The following NAB1 variants were observed in gnomAD, a reference collection of about 807,000 sequenced individuals.
NAB1 encodes the protein NGFI-A binding protein 1.
In NAB1, 25 loss-of-function variants were observed where a neutral mutation model predicts 49.9. That is an observed-to-expected ratio of 0.50 (90% confidence interval 0.37 to 0.70). The LOEUF is 0.70. Among genes scored for constraint, NAB1 ranks in the 30% least tolerant of loss-of-function variants. NAB1 has a pLI of 0.00. For synonymous variants in NAB1, 198 were observed against 215.6 expected, an observed-to-expected ratio of 0.92 and a Z score of 0.71; for missense variants, 489 against 575.9, an observed-to-expected ratio of 0.85 and a Z score of 1.54.
intron 4 of NAB1, among the ~76,000 whole-genome samples, chr2:190,664,586 C>CTTTTTTTTTTTTTTT (rs71027237): frequency 1.3e-4 from 8 of 61,154 alleles, no homozygotes; most frequent in African/African-American, 3.3e-4. Flanking sequence ...TTCTTCTTTC[C>CTTTTTTTTTTTTTTT]TTTTTTTTTT....
rs993713568 is a variant in NAB1, at chr2:190,657,067, A to G, written c.-20+914A>G. Among the ~76,000 whole-genome samples, 1 of 152,188 alleles carries G rather than the reference A, an allele frequency of 6.6e-6. No homozygotes were observed. The highest frequency in any genetic ancestry group is 2.4e-5 in the African/African-American group (1 of 41,436). On this transcript the variant is annotated intron_variant, in intron 3 of 9. Transcript: ENST00000337386. This position sits in a 1 kb window ranked among gnomAD's most constrained non-coding sequence, Gnocchi z 4.4. ...CTTTTTTTTTCTGTATTGCGTTGAA[A>G]GCCTATGGAGGAATTGCACGAGGTG... is the stretch of plus-strand genomic sequence containing the variant.
At position 190,659,921 on chromosome 2, in the gene NAB1, A is replaced by T; in HGVS notation, c.745A>T (p.Ile249Phe). 3 of 1,614,222 alleles carry T rather than the reference A, an allele frequency of 1.9e-6. No homozygotes were observed. Among genetic ancestry groups the T allele is most frequent in the Non-Finnish European group, 2.5e-6 (3 of 1,180,036 alleles). Reference sequence around the variant, plus strand: ...TGATGATCCACACAAAGAGGAGGAAATTCGGAAATACAGTGCAATATATGG... The same window carrying T: ...TGATGATCCACACAAAGAGGAGGAATTTCGGAAATACAGTGCAATATATGG... ...NDDDPHKEEE[I>F]RKYSAIYGRF... Residue 249 changes from isoleucine (I) to phenylalanine (F), a missense_variant, in exon 4 of 10, where the codon ATT becomes TTT. Physicochemically the swap from Ile to Phe is conservative, Grantham distance 21. Transcript: ENST00000337386. This position sits in a 1 kb window ranked among gnomAD's most constrained non-coding sequence, Gnocchi z 6.2.
At position 190,670,233 on chromosome 2, in the gene NAB1, AT is replaced by A; in HGVS notation, c.820-92del. 1 of 1,143,614 alleles carries A rather than the reference AT, an allele frequency of 8.7e-7. No homozygotes were observed. The highest frequency in any genetic ancestry group is 1.6e-5 in the African/African-American group (1 of 63,932). 70.8% of individuals were successfully genotyped at this position (1,143,614 alleles called of 1,614,324 possible). On this transcript the variant is annotated intron_variant, in intron 4 of 9. Transcript: ENST00000337386. The surrounding 1 kb of genome is among the most constrained non-coding windows in gnomAD (Gnocchi z 5.3). ...TTATGAATAATGATTCCATTATATAATGGTGTAACATTCTTATATTTTAAGT... is the reference window on the plus strand; with the variant it reads ...TTATGAATAATGATTCCATTATATAAGGTGTAACATTCTTATATTTTAAGT...
chr2:190,687,350 C>A, intron 9 of NAB1, 33 bp downstream of exon 9: 3 of 937,704 alleles, frequency 3.2e-6, no homozygotes, highest in Non-Finnish European at 4.7e-6. Flanking sequence ...GAGGGTAACA[C>A]TTGAATAAAA....
rs1381082868 is a variant in NAB1, at chr2:190,663,826, T to C, written c.819+3831T>C. The stretch of plus-strand genomic sequence containing the variant: ...AAAGTTTTGTTATGAGGTTATTTTA[T>C]TATTTTTCAATTTTAATTATTTTTA... On this transcript the variant is annotated intron_variant, in intron 4 of 9. Coordinates refer to ENST00000337386, the MANE Select transcript of NAB1 (RefSeq NM_005966.4). The surrounding 1 kb of genome is among the most constrained non-coding windows in gnomAD (Gnocchi z 4.2). 2.0e-5 allele frequency among the ~76,000 whole-genome samples: 3 copies of C among 148,078 alleles called. No individual in the cohort carries two copies. Among genetic ancestry groups the C allele is most frequent in the Admixed American group, 6.6e-5 (1 of 15,116 alleles).
rs1695932360 is a variant in NAB1 at position 190,691,489 on chromosome 2, A to C, written c.*1156A>C. 6.6e-6 allele frequency: 1 copy of C among 152,116 alleles called. No individual in the cohort carries two copies. The highest frequency in any genetic ancestry group is 2.4e-5 in the African/African-American group (1 of 41,448). The allele number at this position is 152,116 out of a possible 1,614,324, so 9.4% of individuals were successfully genotyped here. A position where few individuals can be genotyped will look rare whatever the true frequency, so the allele number is the denominator to read the frequency against. ...TGAATGCAGTTTTTTCTTAAAATTT[A>C]TTTTAACTTGACAGTATGTTTTTAG... On this transcript the variant is annotated 3_prime_UTR_variant, in exon 10 of 10. Transcript: ENST00000337386. This position sits in a 1 kb window ranked among gnomAD's most constrained non-coding sequence, Gnocchi z 4.1.
Position 190,677,466 on chromosome 2 carries a change from C to G in NAB1, c.1005+4314C>G, listed in dbSNP as rs539099124. The G allele has an allele frequency of 6.6e-6, 1 of 152,186 alleles. No homozygotes were observed. The highest frequency in any genetic ancestry group is 2.1e-4 in the South Asian group (1 of 4,830). The allele number at this position is 152,186 out of a possible 1,614,324, so 9.4% of individuals were successfully genotyped here. ...TGAGGTTGGAATCCTTCTGCTTAGA[C>G]GGAATGAATAACATGTCCACTGGAA... On this transcript the variant is annotated intron_variant, in intron 6 of 9. Coordinates refer to ENST00000337386, the MANE Select transcript of NAB1 (RefSeq NM_005966.4). The surrounding 1 kb of genome is among the most constrained non-coding windows in gnomAD (Gnocchi z 5.6).
rs984315983 is a variant in NAB1, at chr2:190,667,802, C to T, written c.820-2524C>T. Among the ~76,000 whole-genome samples the T allele has an allele frequency of 4.0e-5, 6 of 151,656 alleles. No homozygotes were observed. In the East Asian group the frequency reaches 7.7e-4, roughly 19 times the overall value. On this transcript the variant is annotated intron_variant, in intron 4 of 9. Coordinates refer to ENST00000337386, the MANE Select transcript of NAB1 (RefSeq NM_005966.4). The surrounding 1 kb of genome is among the most constrained non-coding windows in gnomAD (Gnocchi z 4.4). ...AAATACTTAGGTGGGAAAAGTAAAA[C>T]GATTAGACTAAATTATGGAACATTT...
In NAB1 at chr2:190,685,608, G is replaced by C; in HGVS notation, c.1228G>C (p.Gly410Arg). 1 of 1,611,104 alleles carries C rather than the reference G, an allele frequency of 6.2e-7. No homozygotes were observed. The highest frequency in any genetic ancestry group is 8.5e-7 in the Non-Finnish European group (1 of 1,178,978). ...GAGCTCAGAAGAGCACAGTCCTAAC[G>C]GCTTGACTTCCGATAACTCAGATGG... is the stretch of plus-strand genomic sequence containing the variant. ...RQSSEEHSPN[G>R]LTSDNSDGQG... Residue 410 changes from glycine to arginine, a missense_variant, in exon 8 of 10, where the codon GGC (glycine) becomes CGC (arginine). Coordinates refer to ENST00000337386, the MANE Select transcript of NAB1 (RefSeq NM_005966.4). This position sits in a 1 kb window ranked among gnomAD's most constrained non-coding sequence, Gnocchi z 4.5.
Position 190,682,434 on chromosome 2 carries a change from G to T in NAB1, c.1006-1304G>T, listed in dbSNP as rs991139678. Reference sequence around the variant, plus strand: ...TCCAAAGCTCCATTTCCTGTCATAGGTTATGATAAAGGTGAAATCGCAAGC... The same window carrying T: ...TCCAAAGCTCCATTTCCTGTCATAGTTTATGATAAAGGTGAAATCGCAAGC... On this transcript the variant is annotated intron_variant, in intron 6 of 9. Coordinates refer to ENST00000337386, the MANE Select transcript of NAB1 (RefSeq NM_005966.4). The surrounding 1 kb of genome is among the most constrained non-coding windows in gnomAD (Gnocchi z 4.1). Among the ~76,000 whole-genome samples the T allele has an allele frequency of 2.6e-5, 4 of 152,268 alleles. No homozygotes were observed. The highest frequency in any genetic ancestry group is 3.4e-3 in the Middle Eastern group (1 of 294).
In NAB1 at chr2:190,685,421, A is replaced by C. The variant is rs567196782; in HGVS notation, c.1096-55A>C. Reference sequence around the variant, plus strand: ...AGTCTGAAATTGGCATCTTTAAACCATTAAAAAATCTAGAATGTTTCAGTT... The same window carrying C: ...AGTCTGAAATTGGCATCTTTAAACCCTTAAAAAATCTAGAATGTTTCAGTT... On this transcript the variant is annotated intron_variant, in intron 7 of 9. Coordinates refer to ENST00000337386, the MANE Select transcript of NAB1 (RefSeq NM_005966.4). This position sits in a 1 kb window ranked among gnomAD's most constrained non-coding sequence, Gnocchi z 4.5. 1.3e-6 allele frequency: 2 copies of C among 1,492,080 alleles called. No individual in the cohort carries two copies. Among genetic ancestry groups the C allele is most frequent in the Admixed American group, 2.3e-5 (1 of 44,340 alleles). The allele number at this position is 1,492,080 out of a possible 1,614,324, so 92.4% of individuals were successfully genotyped here.
At chr2:190,688,610 T>G (rs1695740979) in intron 9 of NAB1, among the ~76,000 whole-genome samples, 1 of 152,230 alleles carries the variant, frequency 6.6e-6, no homozygotes, top group Non-Finnish European at 1.5e-5. Context: ...AGACTCTATG[T>G]AACAGGAATA....
chr2:190,664,771 G>A (rs948737198), intron 4 of NAB1, among the ~76,000 whole-genome samples: 22 of 150,884 alleles, frequency 1.5e-4, no homozygotes, highest in African/African-American at 4.1e-4. Flanking sequence ...TTTATTTTCA[G>A]CCTTTCTGAA....
chr2:190,659,840 C>G lies in NAB1; in HGVS notation c.664C>G (p.Leu222Val). 6.2e-7 allele frequency: 1 copy of G among 1,614,218 alleles called. No individual in the cohort carries two copies. The highest frequency in any genetic ancestry group is 8.5e-7 in the Non-Finnish European group (1 of 1,180,034). ...KSDLNEVKELLKTNKKLAKMI... is the reference protein window; with the variant it reads ...KSDLNEVKELVKTNKKLAKMI... ...TGACTTGAATGAAGTGAAAGAGCTG[C>G]TAAAAACCAACAAGAAGTTGGCCAA... The change falls in exon 4 of 10, where the codon CTA becomes GTA. Residue 222 changes from leucine to valine, a missense_variant. Transcript: ENST00000337386. This position sits in a 1 kb window ranked among gnomAD's most constrained non-coding sequence, Gnocchi z 6.2.
Position 190,677,803 on chromosome 2 carries a change from A to G in NAB1, c.1005+4651A>G, listed in dbSNP as rs1428388613. Among the ~76,000 whole-genome samples, 2 of 152,106 alleles carry G rather than the reference A, an allele frequency of 1.3e-5. No homozygotes were observed. Among genetic ancestry groups the G allele is most frequent in the Admixed American group, 1.3e-4 (2 of 15,256 alleles). On this transcript the variant is annotated intron_variant, in intron 6 of 9. Coordinates refer to ENST00000337386, the MANE Select transcript of NAB1 (RefSeq NM_005966.4). This position sits in a 1 kb window ranked among gnomAD's most constrained non-coding sequence, Gnocchi z 5.6. ...GTAGCAGAGCCGGGGCTTCCTATCT[A>G]TGTCTGATTCCTGAATGTCAAAGCA...
chr2:190,660,851 C>T (rs1694186733), intron 4 of NAB1, among the ~76,000 whole-genome samples: 1 of 152,140 alleles, frequency 6.6e-6, no homozygotes, highest in South Asian at 2.1e-4. Context: ...ATAATGTCTC[C>T]TTCATCTTTA....
intron 2 of NAB1, among the ~76,000 whole-genome samples, chr2:190,653,267 C>T (rs1251129770): frequency 1.3e-5 from 2 of 152,168 alleles, no homozygotes; most frequent in Non-Finnish European, 1.5e-5. Flanking sequence ...TTTTCATTGT[C>T]CCCATTTCCC....
At position 190,670,493 on chromosome 2, in the gene NAB1, T is replaced by C; in HGVS notation, c.953+34T>C. The C allele has an allele frequency of 6.2e-7, 1 of 1,608,116 alleles. No individual in the cohort carries two copies. The highest frequency in any genetic ancestry group is 8.5e-7 in the Non-Finnish European group (1 of 1,176,190). ...TTAACTAATCGTCATTATTTTTGCA[T>C]TGCTTGAGAGAAGTAGAGTTCGAAA... On this transcript the variant is annotated intron_variant, in intron 5 of 9. Coordinates refer to ENST00000337386, the MANE Select transcript of NAB1 (RefSeq NM_005966.4). This position sits in a 1 kb window ranked among gnomAD's most constrained non-coding sequence, Gnocchi z 5.3.
chr2:190,658,714 G>C (rs1694060133), intron 3 of NAB1, among the ~76,000 whole-genome samples: 1 of 152,214 alleles, frequency 6.6e-6, no homozygotes, highest in South Asian at 2.1e-4. Context: ...GCCATTGTGA[G>C]AATTAGACAT....
Sources: gnomAD v4.1 joint callset for allele counts (sites outside exome capture counted in the v4.1 genomes callset) on GRCh38, gnomAD v4.1.1 for gene constraint, Gnocchi (gnomAD v3.1) non-coding constraint, MANE v1.5 for transcripts, NCBI Gene and HGNC (gene_info 2026-07-23, HGNC 2026-07-21) for gene names.